BOD1L1: variants seen among roughly 807,000 people sequenced by gnomAD.
The protein encoded by BOD1L1 is biorientation of chromosomes in cell division 1 like 1, also known as biorientation of chromosomes in cell division protein 1-like 1.
A neutral mutation model predicts 240.7 loss-of-function variants in BOD1L1; 86 were observed. The ratio of observed to expected loss-of-function variants is 0.36; its 90% CI spans 0.30 to 0.43. The LOEUF (loss-of-function observed/expected upper bound fraction) is 0.43, where lower values mean the gene tolerates loss of function less well. Ranked by LOEUF, BOD1L1 falls within the 20% of genes least tolerant of loss-of-function variation. BOD1L1 has a pLI of 1.00. For missense variants in BOD1L1, 3,554 were observed against 3,643.5 expected (o/e 0.98, Z 0.63); for synonymous variants, 1,268 against 1,272.3 (o/e 1.00, Z 0.07).
chr4:13,623,865 C>A lies in BOD1L1; in HGVS notation c.243+3480G>T, dbSNP rs1260307673. 3 of 152,280 alleles carry A rather than the reference C, an allele frequency of 2.0e-5. No homozygotes were observed. The East Asian group carries it at 5.8e-4, about 29-fold the overall frequency. 9.4% of individuals were successfully genotyped at this position (152,280 alleles called of 1,614,324 possible). A position where few individuals can be genotyped will look rare whatever the true frequency, so the allele number is the denominator to read the frequency against. On this transcript the variant is annotated intron_variant, in intron 1 of 25. Transcript: ENST00000040738. The stretch of plus-strand genomic sequence containing the variant: ...ACTTTTTGACAGAAAGCAGGTCAGT[C>A]TTTGAGGTTCAAGTGGCAGATGAAA...
At chr4:13,582,595 G>C in intron 18 of BOD1L1, 57 bp downstream of exon 18, 1 of 1,312,596 alleles carries the variant, frequency 7.6e-7, no homozygotes, top group Non-Finnish European at 1.1e-6. Flanking sequence ...TCGGTTGAGA[G>C]ACACGCTGGC....
At chr4:13,584,441 A>AGAGTGTGT (rs1476066597) in intron 17 of BOD1L1, among the ~76,000 whole-genome samples, 28 of 134,814 alleles carry the variant, frequency 2.1e-4, no homozygotes, top group South Asian at 5.2e-4. Context: ...AGAGAGAGAG[A>AGAGTGTGT]GTGTGTGTGT....
intron 25 of BOD1L1, among the ~76,000 whole-genome samples, chr4:13,574,489 A>G (rs1021377055): frequency 1.3e-5 from 2 of 152,252 alleles, no homozygotes; most frequent in Non-Finnish European, 1.5e-5. Context: ...TATAAATCAA[A>G]TAAGATTTAT....
chr4:13,588,587 G>T, intron 15 of BOD1L1, 135 bp downstream of exon 15: 1 of 686,546 alleles, frequency 1.5e-6, no homozygotes, highest in Non-Finnish European at 2.3e-6. Flanking sequence ...AGGTAAAAGT[G>T]ACATGTGGAA....
chr4:13,580,553 A>G (rs1377281861), intron 21 of BOD1L1, among the ~76,000 whole-genome samples: 1 of 152,200 alleles, frequency 6.6e-6, no homozygotes, highest in Non-Finnish European at 1.5e-5. Flanking sequence ...TGATACAATG[A>G]TTTTGGTGGG....
Position 13,602,263 on chromosome 4 carries a change from C to T in BOD1L1, c.4637G>A (p.Arg1546Lys), listed in dbSNP as rs780368665. 13 of 1,613,882 alleles carry T rather than the reference C, an allele frequency of 8.1e-6. No individual in the cohort carries two copies. In the African/African-American group the frequency reaches 1.2e-4, roughly 15 times the overall value. The part of the protein sequence containing the change: ...GPATTTSSET[R>K]QSEVALPCTS... ...GCAAGGCAAAGCCACCTCACTTTGT[C>T]TTGTTTCTGAAGAAGTGGTTGTGGC... Residue 1546 changes from arginine to lysine, a missense_variant, in exon 10 of 26, where the codon AGA becomes AAA. Around this residue, in one of 2 missense-constraint regions of BOD1L1, gnomAD observed 3,393 missense variants for 3,427.1 expected, o/e 0.99. Coordinates refer to ENST00000040738, the MANE Select transcript of BOD1L1 (RefSeq NM_148894.3).
chr4:13,612,792 G>C (rs1458954723), intron 5 of BOD1L1, among the ~76,000 whole-genome samples: 5 of 152,142 alleles, frequency 3.3e-5, no homozygotes, highest in South Asian at 2.1e-4. Context: ...GGGTCATGGA[G>C]TAAGAGTTTG....
intron 12 of BOD1L1, 24 bp downstream of exon 12, chr4:13,595,836 G>T: frequency 6.3e-7 from 1 of 1,595,178 alleles, no homozygotes; most frequent in South Asian, 1.1e-5. Flanking sequence ...AAAACAATGT[G>T]AACAACCATT....
Position 13,604,382 on chromosome 4 carries a change from G to A in BOD1L1, c.2518C>T (p.His840Tyr). Residue 840 changes from histidine to tyrosine, a missense_variant, in exon 10 of 26, where the codon CAC (histidine) becomes TAC (tyrosine). By Grantham distance (83) the His-to-Tyr change is moderately conservative. Around this residue, in one of 2 missense-constraint regions of BOD1L1, gnomAD observed 3,393 missense variants for 3,427.1 expected, o/e 0.99. Coordinates refer to ENST00000040738, the MANE Select transcript of BOD1L1 (RefSeq NM_148894.3). ...GAATCACTTGACCTTCTTGATTTGTGCTCTGCCTTAGTTTTTTCAGCTGAC... is the reference window on the plus strand; with the variant it reads ...GAATCACTTGACCTTCTTGATTTGTACTCTGCCTTAGTTTTTTCAGCTGAC... ...RLSAEKTKAE[H>Y]KSRRSSDSKI... 1 of 1,580,320 alleles carries A rather than the reference G, an allele frequency of 6.3e-7. No individual in the cohort carries two copies. The highest frequency in any genetic ancestry group is 1.2e-5 in the South Asian group (1 of 83,468).
intron 1 of BOD1L1, among the ~76,000 whole-genome samples, chr4:13,620,739 C>A (rs1056075393): frequency 1.3e-5 from 2 of 152,130 alleles, no homozygotes; most frequent in African/African-American, 4.8e-5. Flanking sequence ...TAAAGAGACA[C>A]AAAATACTTT....
At chr4:13,597,667 CCT>C (rs1241688843) in intron 10 of BOD1L1, among the ~76,000 whole-genome samples, 7 of 152,154 alleles carry the variant, frequency 4.6e-5, no homozygotes, top group Admixed American at 4.6e-4. Context: ...TCTGGTCTTG[CCT>C]CTTATATCCT....
At position 13,601,437 on chromosome 4, in the gene BOD1L1, T is replaced by C. The variant is rs202045508; in HGVS notation, c.5463A>G (p.Glu1821=). 62 of 1,613,952 alleles carry C rather than the reference T, an allele frequency of 3.8e-5. No individual in the cohort carries two copies. The highest frequency in any genetic ancestry group is 5.3e-5 in the Non-Finnish European group (62 of 1,179,908). ...DSSEGFAISS[E]SEENGESAMD... The stretch of plus-strand genomic sequence containing the variant: ...TTGCACTCTCTCCATTTTCTTCCGA[T>C]TCAGAACTTATAGCAAAGCCTTCGC... The change falls in exon 10 of 26, where the codon GAA becomes GAG. Residue 1821 remains glutamate (E), a synonymous_variant. Coordinates refer to ENST00000040738, the MANE Select transcript of BOD1L1 (RefSeq NM_148894.3).
chr4:13,615,114 C>A (rs942715217), intron 3 of BOD1L1, among the ~76,000 whole-genome samples, 198 bp downstream of exon 3: 1 of 152,194 alleles, frequency 6.6e-6, no homozygotes, highest in Non-Finnish European at 1.5e-5. Context: ...ACTCACATCA[C>A]ATTACTACAA....
chr4:13,573,837 ATTAAT>A (rs1210471061), intron 25 of BOD1L1, among the ~76,000 whole-genome samples: 20 of 151,896 alleles, frequency 1.3e-4, no homozygotes, highest in Middle Eastern at 3.4e-3. Flanking sequence ...TTTATATTTT[ATTAAT>A]TTAATTTAAT....
Position 13,608,563 on chromosome 4 carries a change from A to G in BOD1L1, c.1709T>C (p.Val570Ala), listed in dbSNP as rs1459164441. 39 of 1,542,896 alleles carry G rather than the reference A, an allele frequency of 2.5e-5. No homozygotes were observed. Among genetic ancestry groups the G allele is most frequent in the Non-Finnish European group, 3.1e-5 (36 of 1,147,488 alleles). Residue 570 changes from valine (V) to alanine (A), a missense_variant, in exon 8 of 26, where the codon GTA (valine) becomes GCA (alanine). Val to Ala is a moderately conservative substitution (Grantham distance 64, BLOSUM62 0). Coordinates refer to ENST00000040738, the MANE Select transcript of BOD1L1 (RefSeq NM_148894.3). ...LKERKVLEKK[V>A]ALSKKRKKDS... is the part of the protein sequence containing the mutation. ...TTTTTTTCTCTTTTTGCTTAAGGCT[A>G]CTTTTTTTTCTAAAACTTTCCGTTC...
At chr4:13,590,514 A>G in intron 13 of BOD1L1, 68 bp from the exon 14 acceptor site, 1 of 769,236 alleles carries the variant, frequency 1.3e-6, no homozygotes, top group Non-Finnish European at 2.0e-6. Context: ...AAGAAAGAAG[A>G]GAGAAGGTAA....
At chr4:13,596,691 G>T (rs987551634) in intron 11 of BOD1L1, among the ~76,000 whole-genome samples, 4 of 152,206 alleles carry the variant, frequency 2.6e-5, no homozygotes, top group African/African-American at 9.7e-5. Context: ...CTACCTGCAG[G>T]ACTGTGTGAA....
At chr4:13,596,027 A>G in intron 11 of BOD1L1, 83 bp from the exon 12 acceptor site, 2 of 1,127,936 alleles carry the variant, frequency 1.8e-6, no homozygotes, top group South Asian at 1.4e-5. Context: ...AACAAAAAAA[A>G]ACCCAGCATC....
At chr4:13,592,621 T>C (rs1459086149) in intron 12 of BOD1L1, 1 of 152,234 alleles carries the variant, frequency 6.6e-6, no homozygotes, top group Non-Finnish European at 1.5e-5. Context: ...AAAACACCCA[T>C]GCACATTTTA....
Sources: allele counts gnomAD v4.1 joint callset (sites outside exome capture counted in the v4.1 genomes callset), GRCh38; gene constraint gnomAD v4.1.1; regional missense constraint gnomAD v4.1.1; transcripts MANE v1.5; gene names NCBI Gene and HGNC (gene_info 2026-07-23, HGNC 2026-07-21).